ARHGEF38: variants seen among roughly 807,000 people sequenced by gnomAD.
ARHGEF38 encodes Rho guanine nucleotide exchange factor 38, also known as Rho guanine nucleotide exchange factor (GEF) 38.
In ARHGEF38, 79 loss-of-function variants were observed where a neutral mutation model predicts 79.9. The ratio of observed to expected loss-of-function variants is 0.99; its 90% CI spans 0.82 to 1.19. The LOEUF is 1.19. ARHGEF38 is among the 50% of genes most tolerant of loss of function. ARHGEF38 has a pLI of 0.00. For synonymous variants in ARHGEF38, 366 were observed against 328.3 expected, an observed-to-expected ratio of 1.11 and a Z score of -1.24; for missense variants, 962 against 907.2, an observed-to-expected ratio of 1.06 and a Z score of -0.78.
At chr4:105,588,797 T>G (rs1360545218) in intron 1 of ARHGEF38, among the ~76,000 whole-genome samples, 5 of 152,224 alleles carry the variant, frequency 3.3e-5, no homozygotes, top group Non-Finnish European at 1.5e-5. Context: ...GAGATTTGGA[T>G]ATTACCCACT....
Position 105,679,897 on chromosome 4 carries a change from A to G in ARHGEF38, c.*1960A>G. The G allele has an allele frequency of 7.0e-7, 1 of 1,433,640 alleles. No homozygotes were observed. Among genetic ancestry groups the G allele is most frequent in the Non-Finnish European group, 9.8e-7 (1 of 1,020,148 alleles). The allele number at this position is 1,433,640 out of a possible 1,614,324, so 88.8% of individuals were successfully genotyped here. A position where few individuals can be genotyped will look rare whatever the true frequency, so the allele number is the denominator to read the frequency against. On this transcript the variant is annotated 3_prime_UTR_variant, in exon 14 of 14. Transcript: ENST00000420470. Reference sequence around the variant, plus strand: ...GAATGTCCAAACCACGAGGAGCCACATTGGTTGCCACCAAAACTTTATAAT... The same window carrying G: ...GAATGTCCAAACCACGAGGAGCCACGTTGGTTGCCACCAAAACTTTATAAT...
intron 4 of ARHGEF38, chr4:105,631,640 A>G: frequency 1.0e-6 from 1 of 985,034 alleles, no homozygotes; most frequent in Non-Finnish European, 1.2e-6. Context: ...TCTGAAAAAT[A>G]TAACAAAGTA....
chr4:105,616,659 T>C (rs1279999349), intron 3 of ARHGEF38, among the ~76,000 whole-genome samples: 2 of 152,126 alleles, frequency 1.3e-5, no homozygotes, highest in East Asian at 3.9e-4. Context: ...ACCATATCAA[T>C]GTTTTAGAAA....
chr4:105,645,410 G>T (rs1278176735), intron 6 of ARHGEF38, 23 bp downstream of exon 6: 2 of 1,484,202 alleles, frequency 1.3e-6, no homozygotes, highest in African/African-American at 1.4e-5. Context: ...ATGATGAATT[G>T]GTTGTTTTCC....
At chr4:105,663,963 T>G (rs1039448290) in intron 10 of ARHGEF38, among the ~76,000 whole-genome samples, 1 of 128,054 alleles carries the variant, frequency 7.8e-6, no homozygotes. Context: ...AGAGTGAAAC[T>G]CCGTCTCAAA....
chr4:105,643,004 C>G (rs1313885056), intron 5 of ARHGEF38, among the ~76,000 whole-genome samples: 1 of 151,996 alleles, frequency 6.6e-6, no homozygotes, highest in African/African-American at 2.4e-5. Context: ...CTACTTTCTA[C>G]TTAAGTGACT....
chr4:105,654,136 G>T lies in ARHGEF38; in HGVS notation c.1080G>T (p.Val360=). 1 of 1,518,846 alleles carries T rather than the reference G, an allele frequency of 6.6e-7. No individual in the cohort carries two copies. Among genetic ancestry groups the T allele is most frequent in the Non-Finnish European group, 8.8e-7 (1 of 1,135,126 alleles). 94.1% of individuals were successfully genotyped at this position (1,518,846 alleles called of 1,614,324 possible). ...TAGAAAAGACTGTGAGGCTTTGTGTGAAGAACATTTCACTCTGTCTTCAAC... is the reference window on the plus strand; with the variant it reads ...TAGAAAAGACTGTGAGGCTTTGTGTTAAGAACATTTCACTCTGTCTTCAAC... ...RALEKTVRLC[V]KNISLCLQHI... is the part of the protein sequence containing the mutation. Residue 360 remains valine, a synonymous_variant, in exon 8 of 14, where the codon GTG becomes GTT. Coordinates refer to ENST00000420470, the MANE Select transcript of ARHGEF38 (RefSeq NM_001242729.2).
chr4:105,649,420 C>G (rs1578346494), intron 7 of ARHGEF38, among the ~76,000 whole-genome samples: 2 of 152,162 alleles, frequency 1.3e-5, no homozygotes, highest in Non-Finnish European at 2.9e-5. Flanking sequence ...TTTGCAAACA[C>G]TCTAGGTATT....
intron 9 of ARHGEF38, among the ~76,000 whole-genome samples, chr4:105,657,729 A>G (rs535746359): frequency 5.2e-4 from 79 of 152,276 alleles, no homozygotes; most frequent in Middle Eastern, 6.8e-3. Context: ...CTAGGTGTAT[A>G]TTGACTATCT....
At chr4:105,556,312 A>G (rs1444515613) in intron 1 of ARHGEF38, among the ~76,000 whole-genome samples, 1 of 152,158 alleles carries the variant, frequency 6.6e-6, no homozygotes, top group Non-Finnish European at 1.5e-5. Flanking sequence ...CATCAAGAAA[A>G]CATGTCTGAC....
chr4:105,579,558 T>C (rs1236513868), intron 1 of ARHGEF38, among the ~76,000 whole-genome samples: 2 of 152,178 alleles, frequency 1.3e-5, no homozygotes, highest in Admixed American at 1.3e-4. Flanking sequence ...TGTTGAACCA[T>C]CCTTGCATCC....
intron 1 of ARHGEF38, among the ~76,000 whole-genome samples, chr4:105,588,209 C>T (rs985219574): frequency 6.6e-6 from 1 of 152,188 alleles, no homozygotes; most frequent in African/African-American, 2.4e-5. Context: ...ACTGTACAGA[C>T]TCTTTATAGG....
intron 2 of ARHGEF38, among the ~76,000 whole-genome samples, chr4:105,604,976 G>C (rs1727979591): frequency 6.6e-6 from 1 of 152,054 alleles, no homozygotes; most frequent in Non-Finnish European, 1.5e-5. Context: ...TTTAGTCTAT[G>C]CTTTCTAAAC....
At chr4:105,677,056 C>A (rs892981938) in intron 13 of ARHGEF38, among the ~76,000 whole-genome samples, 4 of 151,910 alleles carry the variant, frequency 2.6e-5, no homozygotes, top group African/African-American at 9.7e-5. Context: ...CACCGCCTCC[C>A]GGGTTCAAGC....
At chr4:105,645,591 A>G (rs928401675) in intron 6 of ARHGEF38, among the ~76,000 whole-genome samples, 1 of 152,222 alleles carries the variant, frequency 6.6e-6, no homozygotes, top group African/African-American at 2.4e-5. Flanking sequence ...AAATGAAATT[A>G]AAAAATAAAT....
At chr4:105,650,739 A>T (rs17261590) in intron 7 of ARHGEF38, among the ~76,000 whole-genome samples, 4,634 of 152,280 alleles carry the variant, frequency 0.03, 113 homozygotes, top group Middle Eastern at 0.071. Flanking sequence ...CAACATGTAC[A>T]TTCTTAGAAC....
intron 13 of ARHGEF38, among the ~76,000 whole-genome samples, chr4:105,672,354 C>T (rs1162859314): frequency 6.6e-6 from 1 of 152,116 alleles, no homozygotes; most frequent in Non-Finnish European, 1.5e-5. Flanking sequence ...GAGACTGCTA[C>T]AAAAAAGTTC....
At chr4:105,577,463 A>G (rs913280612) in intron 1 of ARHGEF38, among the ~76,000 whole-genome samples, 4 of 151,688 alleles carry the variant, frequency 2.6e-5, no homozygotes, top group Admixed American at 6.6e-5. Flanking sequence ...CTCTTCCTCT[A>G]TCTTTTGTAA....
chr4:105,561,449 G>GGAATGGAATGGAATGGAATA (rs1725566310), intron 1 of ARHGEF38: 6 of 45,614 alleles, frequency 1.3e-4, no homozygotes, highest in Non-Finnish European at 2.1e-4. Context: ...AGAATAGAAT[G>GGAATGGAATGGAATGGAATA]GAATAGAATA....
Sources: gnomAD v4.1 joint callset for allele counts (sites outside exome capture counted in the v4.1 genomes callset) on GRCh38, gnomAD v4.1.1 for gene constraint, MANE v1.5 for transcripts, NCBI Gene and HGNC (gene_info 2026-07-23, HGNC 2026-07-21) for gene names.